Variants in LYN observed in about 807,000 individuals in gnomAD.
The protein encoded by LYN is LYN proto-oncogene, Src family tyrosine kinase, also known as tyrosine-protein kinase Lyn.
Under a neutral mutation model 65.0 loss-of-function variants are expected in LYN, and 12 were observed. The observed-to-expected ratio is 0.18, with a 90% CI of 0.12 to 0.30. The LOEUF is 0.30. Among genes scored for constraint, LYN ranks in the 10% least tolerant of loss-of-function variants. LYN has a pLI of 1.00. For missense variants in LYN, 380 were observed against 623.2 expected (o/e 0.61, Z 4.16); for synonymous variants, 222 against 221.2 (o/e 1.00, Z -0.03).
intron 1 of LYN, among the ~76,000 whole-genome samples, chr8:55,900,539 A>ATTT (rs5891598): frequency 1.6e-5 from 2 of 126,442 alleles, no homozygotes; most frequent in African/African-American, 3.0e-5. Context: ...TGCCCAGCTA[A>ATTT]TTTTTTTTTT....
chr8:55,915,822 AAG>A (rs908936266), intron 1 of LYN, among the ~76,000 whole-genome samples: 2 of 152,052 alleles, frequency 1.3e-5, no homozygotes, highest in Non-Finnish European at 2.9e-5. Context: ...AGAAGAGAGA[AAG>A]AGAGCGAGCG....
intron 10 of LYN, among the ~76,000 whole-genome samples, chr8:55,991,539 T>C (rs1808250056): frequency 6.6e-6 from 1 of 152,220 alleles, no homozygotes; most frequent in South Asian, 2.1e-4. Flanking sequence ...ATTATTAATA[T>C]GTTCTGTGCA....
Position 55,952,056 on chromosome 8 carries a change from A to G in LYN, c.578A>G (p.Tyr193Cys), listed in dbSNP as rs980144064. The G allele has an allele frequency of 6.2e-7, 1 of 1,610,480 alleles. No individual in the cohort carries two copies. Among genetic ancestry groups the G allele is most frequent in the Non-Finnish European group, 8.5e-7 (1 of 1,178,994 alleles). The change falls in exon 7 of 13, where the codon TAT becomes TGT. Residue 193 changes from tyrosine (Y) to cysteine (C), a missense_variant. This residue lies in a region of LYN where 223 missense variants were observed against 430.0 expected (regional missense o/e 0.52). Coordinates refer to ENST00000519728, the MANE Select transcript of LYN (RefSeq NM_002350.4). ...YKIRSLDNGG[Y>C]YISPRITFPC... ...ATTAGAAGTCTGGATAATGGGGGCT[A>G]TTACATCTCTCCACGAATCACTTTT... is the stretch of plus-strand genomic sequence containing the variant.
intron 1 of LYN, among the ~76,000 whole-genome samples, chr8:55,913,641 T>C (rs1314045112): frequency 6.6e-6 from 1 of 152,236 alleles, no homozygotes; most frequent in Non-Finnish European, 1.5e-5. Flanking sequence ...GGCTTGGCAG[T>C]GTCCTGGGGC....
chr8:55,903,617 T>G (rs1805340960), intron 1 of LYN, among the ~76,000 whole-genome samples: 1 of 152,272 alleles, frequency 6.6e-6, no homozygotes, highest in South Asian at 2.1e-4. Flanking sequence ...TTTCTGTTTC[T>G]ATGTTGATAA....
At chr8:55,891,981 T>C (rs1804974865) in intron 1 of LYN, among the ~76,000 whole-genome samples, 1 of 152,110 alleles carries the variant, frequency 6.6e-6, no homozygotes. Context: ...AATGGAGAAA[T>C]TTACAAAGGC....
In LYN at chr8:55,947,620, C is replaced by A. The variant is rs368390497; in HGVS notation, c.181C>A (p.Pro61Thr). 1 of 1,602,100 alleles carries A rather than the reference C, an allele frequency of 6.2e-7. No individual in the cohort carries two copies. The highest frequency in any genetic ancestry group is 8.6e-7 in the Non-Finnish European group (1 of 1,169,060). The change falls in exon 4 of 13, where the codon CCA (proline) becomes ACA (threonine). Residue 61 changes from proline (P) to threonine (T), a missense_variant and splice_region_variant. By Grantham distance (38) the Pro-to-Thr change is conservative. Around this residue, in one of 2 missense-constraint regions of LYN, gnomAD observed 157 missense variants for 193.2 expected, o/e 0.81. Coordinates refer to ENST00000519728, the MANE Select transcript of LYN (RefSeq NM_002350.4). Reference protein sequence around the residue: ...LPGQRFQTKDPEEQGDIVVAL... With the variant: ...LPGQRFQTKDTEEQGDIVVAL... Reference sequence around the variant, plus strand: ...TGTTCTCTTGTGTTCATCTTTAGATCCAGAGGAACAAGGAGACATTGTGGT... The same window carrying A: ...TGTTCTCTTGTGTTCATCTTTAGATACAGAGGAACAAGGAGACATTGTGGT...
chr8:55,999,090 CA>C (rs1189900139), intron 11 of LYN, among the ~76,000 whole-genome samples: 2 of 152,178 alleles, frequency 1.3e-5, no homozygotes, highest in Non-Finnish European at 2.9e-5. Flanking sequence ...TAGGATTGCC[CA>C]CGTGGTTATG....
rs1408203265 is a variant in LYN at position 55,966,767 on chromosome 8, T to C, written c.843T>C (p.Thr281=). ...CTGTGAAAACCCTGAAGCCAGGAACTATGTCTGTGCAAGCCTTCCTGGAAG... is the reference window on the plus strand; with the variant it reads ...CTGTGAAAACCCTGAAGCCAGGAACCATGTCTGTGCAAGCCTTCCTGGAAG... ...KVAVKTLKPG[T]MSVQAFLEEA... Residue 281 remains threonine (T), a synonymous_variant, in exon 9 of 13, where the codon ACT becomes ACC. Coordinates refer to ENST00000519728, the MANE Select transcript of LYN (RefSeq NM_002350.4). 7 of 1,614,006 alleles carry C rather than the reference T, an allele frequency of 4.3e-6. No homozygotes were observed. The highest frequency in any genetic ancestry group is 5.1e-6 in the Non-Finnish European group (6 of 1,180,012).
intron 1 of LYN, among the ~76,000 whole-genome samples, chr8:55,911,083 A>G (rs55895527): frequency 0.11 from 901 of 8,226 alleles, 9 homozygotes; most frequent in East Asian, 0.2. Context: ...ATATACATAC[A>G]TATATATATA....
At chr8:55,953,061 G>C (rs140382586) in intron 7 of LYN, among the ~76,000 whole-genome samples, 5 of 152,156 alleles carry the variant, frequency 3.3e-5, no homozygotes, top group African/African-American at 9.7e-5. Context: ...ACGTGCTTCC[G>C]ATTTTGTAGA....
intron 10 of LYN, among the ~76,000 whole-genome samples, chr8:55,984,626 C>T (rs1336789474): frequency 6.6e-6 from 1 of 152,240 alleles, no homozygotes; most frequent in Non-Finnish European, 1.5e-5. Context: ...AATACACACT[C>T]AAAGTGAGTA....
In LYN at chr8:55,890,324, A is replaced by G. The variant is rs1418156272; in HGVS notation, c.-6+10221A>G. On this transcript the variant is annotated intron_variant, in intron 1 of 12. Transcript: ENST00000519728. ...GACAGCCTGTCTGTAAAATAATAAT[A>G]ACAATAATAAAAAGAAAGTTGCTTA... Among the ~76,000 whole-genome samples, 7 of 152,052 alleles carry G rather than the reference A, an allele frequency of 4.6e-5. 1 individual carries two copies. Among genetic ancestry groups the G allele is most frequent in the Non-Finnish European group, 1.0e-4 (7 of 68,000 alleles).
At chr8:55,974,734 A>G (rs1807706616) in intron 10 of LYN, among the ~76,000 whole-genome samples, 1 of 152,216 alleles carries the variant, frequency 6.6e-6, no homozygotes, top group African/African-American at 2.4e-5. Context: ...TTAGACGCTC[A>G]TATTCCACCT....
intron 10 of LYN, among the ~76,000 whole-genome samples, chr8:55,994,065 C>A (rs1187670131): frequency 1.3e-5 from 2 of 152,186 alleles, no homozygotes; most frequent in African/African-American, 4.8e-5. Flanking sequence ...TCTCTGATTT[C>A]TTCCTGCTGT....
In LYN at chr8:55,987,899, C is replaced by T. The variant is rs118051269; in HGVS notation, c.1051-10447C>T. Among the ~76,000 whole-genome samples the T allele has an allele frequency of 6.3e-3, 962 of 152,298 alleles. 23 individuals carry two copies. The highest frequency in any genetic ancestry group is 0.043 in the Admixed American group (651 of 15,296). On this transcript the variant is annotated intron_variant, in intron 10 of 12. Coordinates refer to ENST00000519728, the MANE Select transcript of LYN (RefSeq NM_002350.4). ...AACCTACTTTATGGGCTTATTTTAA[C>T]GACTAACATGCCTAGCACAGTGCCT...
At chr8:55,899,038 G>C (rs1805191361) in intron 1 of LYN, among the ~76,000 whole-genome samples, 2 of 152,056 alleles carry the variant, frequency 1.3e-5, no homozygotes, top group African/African-American at 4.8e-5. Flanking sequence ...ATTGCCCAAA[G>C]TGTTGGGATT....
intron 1 of LYN, among the ~76,000 whole-genome samples, chr8:55,939,535 G>C (rs79520241): frequency 0.026 from 4,013 of 152,076 alleles, 177 homozygotes; most frequent in African/African-American, 0.088. Flanking sequence ...AACGCAGTGG[G>C]GGGGGGACAG....
In LYN at chr8:55,947,610, A is replaced by T; in HGVS notation, c.179-8A>T. ...TTCTTACAGGTGTTCTCTTGTGTTC[A>T]TCTTTAGATCCAGAGGAACAAGGAG... On this transcript the variant is annotated splice_region_variant and splice_polypyrimidine_tract_variant and intron_variant, in intron 3 of 12. Coordinates refer to ENST00000519728, the MANE Select transcript of LYN (RefSeq NM_002350.4). The T allele has an allele frequency of 1.3e-6, 2 of 1,588,268 alleles. No homozygotes were observed. The highest frequency in any genetic ancestry group is 2.2e-5 in the East Asian group (1 of 44,728).
Sources: allele counts gnomAD v4.1 joint callset (sites outside exome capture counted in the v4.1 genomes callset), GRCh38; gene constraint gnomAD v4.1.1; regional missense constraint gnomAD v4.1.1; transcripts MANE v1.5; gene names NCBI Gene and HGNC (gene_info 2026-07-23, HGNC 2026-07-21).